The following SEPTIN10 variants were observed in gnomAD, a reference collection of about 807,000 sequenced individuals.
The protein encoded by SEPTIN10 is septin 10.
In SEPTIN10, 66 loss-of-function variants were observed where a neutral mutation model predicts 54.8. The observed-to-expected ratio is 1.21, with a 90% CI of 0.99 to 1.48. The LOEUF (loss-of-function observed/expected upper bound fraction) is 1.48. Ranked by LOEUF, SEPTIN10 falls within the 40% of genes most tolerant of loss-of-function variation. SEPTIN10 has a pLI of 0.00. For missense variants in SEPTIN10, 620 were observed against 545.6 expected (o/e 1.14, Z -1.36); for synonymous variants, 161 against 181.0 (o/e 0.89, Z 0.89).
At position 109,567,801 on chromosome 2, in the gene SEPTIN10, A is replaced by C. The variant is rs201010250; in HGVS notation, c.762+14T>G. The C allele has an allele frequency of 6.9e-5, 108 of 1,554,648 alleles. No homozygotes were observed. Among genetic ancestry groups the C allele is most frequent in the Non-Finnish European group, 8.9e-5 (102 of 1,150,220 alleles). ...CACATGGAAAACAGAATTAACATTC[A>C]ATCAGGAGCTCACATTCATTGCAGC... On this transcript the variant is annotated intron_variant, in intron 6 of 10. Coordinates refer to ENST00000397712, the MANE Select transcript of SEPTIN10 (RefSeq NM_144710.5).
chr2:109,567,753 C>CT (rs2105265193), intron 6 of SEPTIN10, 62 bp downstream of exon 6: 1 of 1,454,534 alleles, frequency 6.9e-7, no homozygotes, highest in East Asian at 2.4e-5. Context: ...AGCAATATTA[C>CT]TCACAAATTA....
At chr2:109,545,178 G>C (rs1404784902) in intron 10 of SEPTIN10, 4 of 985,212 alleles carry the variant, frequency 4.1e-6, no homozygotes, top group Non-Finnish European at 4.8e-6. Context: ...CACAGAGGTA[G>C]CTAGAGTAAA....
rs377505192 is a variant in SEPTIN10 at position 109,543,732 on chromosome 2, T to C, written c.*577A>G. ...AATAGCTTGGTAGCAAGAGAAAAGA[T>C]TTAGATTCATCACAGAACAGCAACT... On this transcript the variant is annotated 3_prime_UTR_variant, in exon 11 of 11. Coordinates refer to ENST00000397712, the MANE Select transcript of SEPTIN10 (RefSeq NM_144710.5). 17 of 159,304 alleles carry C rather than the reference T, an allele frequency of 1.1e-4. No individual in the cohort carries two copies. The highest frequency in any genetic ancestry group is 3.1e-3 in the Middle Eastern group (1 of 324). The allele number at this position is 159,304 out of a possible 1,614,324, so 9.9% of individuals were successfully genotyped here.
At chr2:109,566,536 T>A (rs978505582) in intron 6 of SEPTIN10, among the ~76,000 whole-genome samples, 3 of 152,180 alleles carry the variant, frequency 2.0e-5, no homozygotes, top group Non-Finnish European at 4.4e-5. Flanking sequence ...AACTATACAA[T>A]AGTGTATTCC....
chr2:109,584,612 G>A (rs187894193), intron 4 of SEPTIN10, among the ~76,000 whole-genome samples: 63 of 150,990 alleles, frequency 4.2e-4, no homozygotes, highest in Non-Finnish European at 6.9e-4. Flanking sequence ...ATCTTTATAC[G>A]ACCTTAGGAG....
chr2:109,606,827 G>A (rs996073182), intron 1 of SEPTIN10, among the ~76,000 whole-genome samples: 102 of 151,812 alleles, frequency 6.7e-4, no homozygotes, highest in African/African-American at 2.4e-3. Flanking sequence ...CTACAGGCAC[G>A]CACCACTAGG....
rs778299279 is a variant in SEPTIN10, at chr2:109,553,205, T to C, written c.1043A>G (p.Tyr348Cys). The change falls in exon 9 of 11, where the codon TAT (tyrosine) becomes TGT (cysteine). Residue 348 changes from tyrosine to cysteine, a missense_variant. Coordinates refer to ENST00000397712, the MANE Select transcript of SEPTIN10 (RefSeq NM_144710.5). ...ENKPVSVQET[Y>C]EAKRHEFHGE... ...ATGGAACTCATGTCTTTTGGCTTCA[T>C]AGGTCTCTTGAACACTAAAAAGTTA... 5.6e-6 allele frequency: 9 copies of C among 1,613,964 alleles called. No individual in the cohort carries two copies. The highest frequency in any genetic ancestry group is 7.6e-6 in the Non-Finnish European group (9 of 1,180,020).
chr2:109,574,656 A>G lies in SEPTIN10; in HGVS notation c.525T>C (p.Cys175=). Residue 175 remains cysteine, a synonymous_variant, in exon 5 of 11, where the codon TGT becomes TGC. Transcript: ENST00000397712. ...FTYHDSRIHV[C]LYFISPTGHS... ...GGCCTGTCGGTGAAATGAAGTAGAG[A>G]CACACATGGATGCGAGAATCATGGT... 6.2e-7 allele frequency: 1 copy of G among 1,609,002 alleles called. No homozygotes were observed.
intron 10 of SEPTIN10, 102 bp from the exon 11 acceptor site, chr2:109,544,426 A>T: frequency 7.0e-7 from 1 of 1,430,066 alleles, no homozygotes; most frequent in Non-Finnish European, 9.1e-7. Flanking sequence ...TGGCCATGGG[A>T]CTTTGAAAAA....
At chr2:109,585,404 A>G (rs1692268534) in intron 3 of SEPTIN10, 83 bp from the exon 4 acceptor site, 1 of 1,191,630 alleles carries the variant, frequency 8.4e-7, no homozygotes, top group Non-Finnish European at 1.2e-6. Context: ...GTGGTTTCAA[A>G]GATCCCAAAT....
In SEPTIN10 at chr2:109,544,042, C is replaced by G. The variant is rs1327185559; in HGVS notation, c.*267G>C. 9.9e-7 allele frequency: 1 copy of G among 1,006,752 alleles called. No individual in the cohort carries two copies. Among genetic ancestry groups the G allele is most frequent in the African/African-American group, 1.6e-5 (1 of 60,720 alleles). The allele number at this position is 1,006,752 out of a possible 1,614,324, so 62.4% of individuals were successfully genotyped here. On this transcript the variant is annotated 3_prime_UTR_variant, in exon 11 of 11. Coordinates refer to ENST00000397712, the MANE Select transcript of SEPTIN10 (RefSeq NM_144710.5). The stretch of plus-strand genomic sequence containing the variant: ...GTGGGGAATTTTCCACTTGTGGGGT[C>G]AAGTCAGTGCTCAAAAAGATTCAGA...
chr2:109,601,883 T>G (rs1456726531), intron 1 of SEPTIN10, among the ~76,000 whole-genome samples: 1 of 152,116 alleles, frequency 6.6e-6, no homozygotes, highest in Non-Finnish European at 1.5e-5. Context: ...TTTTTCCCAA[T>G]GTTGTTAGCC....
At chr2:109,564,572 T>G (rs769567240) in intron 7 of SEPTIN10, 38 bp from the exon 8 acceptor site, 5 of 1,446,618 alleles carry the variant, frequency 3.5e-6, no homozygotes, top group Non-Finnish European at 4.6e-6. Flanking sequence ...AACACTGGAT[T>G]TTAATTCCTG....
At chr2:109,555,184 G>C (rs866632153) in intron 8 of SEPTIN10, among the ~76,000 whole-genome samples, 1 of 152,098 alleles carries the variant, frequency 6.6e-6, no homozygotes, top group African/African-American at 2.4e-5. Flanking sequence ...TTAAAGTTAT[G>C]CTATCTATAG....
chr2:109,610,752 A>G (rs1046978024), intron 1 of SEPTIN10, among the ~76,000 whole-genome samples: 7 of 152,178 alleles, frequency 4.6e-5, no homozygotes, highest in Non-Finnish European at 7.4e-5. Flanking sequence ...AATACTATGT[A>G]CATGAGTTAG....
intron 1 of SEPTIN10, among the ~76,000 whole-genome samples, chr2:109,611,251 A>C (rs1026433966): frequency 3.3e-5 from 5 of 152,238 alleles, no homozygotes; most frequent in African/African-American, 1.2e-4. Flanking sequence ...AAATAAGAGA[A>C]AATCTTTGGG....
Position 109,565,790 on chromosome 2 carries a change from G to A in SEPTIN10, c.832C>T (p.Arg278Cys), listed in dbSNP as rs368621147. ...VKVGNKMVKARQYPWGVVQVE... is the reference protein window; with the variant it reads ...VKVGNKMVKACQYPWGVVQVE... ...TGTACAACACCCCAAGGGTACTGGC[G>A]AGCTTTGACCATCTTGTTTCCGACT... The change falls in exon 7 of 11, where the codon CGC (arginine) becomes TGC (cysteine). Residue 278 changes from arginine (R) to cysteine (C), a missense_variant. Coordinates refer to ENST00000397712, the MANE Select transcript of SEPTIN10 (RefSeq NM_144710.5). 54 of 1,613,900 alleles carry A rather than the reference G, an allele frequency of 3.3e-5. No homozygotes were observed. The highest frequency in any genetic ancestry group is 9.9e-5 in the South Asian group (9 of 91,066).
intron 1 of SEPTIN10, among the ~76,000 whole-genome samples, chr2:109,606,441 T>G (rs1006890204): frequency 2.8e-4 from 43 of 151,926 alleles, no homozygotes; most frequent in African/African-American, 1.0e-3. Flanking sequence ...AAATAAAATG[T>G]GATAACACAA....
At chr2:109,559,263 A>G (rs1416696180) in intron 8 of SEPTIN10, among the ~76,000 whole-genome samples, 2 of 152,250 alleles carry the variant, frequency 1.3e-5, no homozygotes, top group Non-Finnish European at 2.9e-5. Flanking sequence ...AAGCCTTATC[A>G]AATCATTTAA....
Sources: allele counts gnomAD v4.1 joint callset (sites outside exome capture counted in the v4.1 genomes callset), GRCh38; gene constraint gnomAD v4.1.1; transcripts MANE v1.5; gene names NCBI Gene and HGNC (gene_info 2026-07-23, HGNC 2026-07-21).